The following TOX variants were observed in gnomAD, a reference collection of about 807,000 sequenced individuals.
The protein encoded by TOX is thymocyte selection associated high mobility group box.
Under a neutral mutation model 53.7 loss-of-function variants are expected in TOX, and 11 were observed. The ratio of observed to expected loss-of-function variants is 0.20; its 90% CI spans 0.13 to 0.34. The LOEUF is 0.34. Among genes scored for constraint, TOX ranks in the 10% least tolerant of loss-of-function variants. The probability of loss-of-function intolerance (pLI) is 1.00; values close to 1 mark genes in which losing one functional copy is unlikely to be tolerated. For synonymous variants in TOX, 225 were observed against 245.3 expected (o/e 0.92, Z 0.77); for missense variants, 570 against 664.6 (o/e 0.86, Z 1.56).
chr8:59,109,992 T>C (rs1372573237), intron 1 of TOX, among the ~76,000 whole-genome samples: 1 of 152,192 alleles, frequency 6.6e-6, no homozygotes, highest in Non-Finnish European at 1.5e-5. Context: ...TTCATTTCTT[T>C]AAGTAGTTCT....
intron 1 of TOX, among the ~76,000 whole-genome samples, chr8:59,005,091 T>A (rs989207298): frequency 6.6e-6 from 1 of 151,868 alleles, no homozygotes; most frequent in Non-Finnish European, 1.5e-5. Context: ...CAGGCTAGAG[T>A]GCAGTGGCAC....
intron 3 of TOX, among the ~76,000 whole-genome samples, chr8:58,855,848 CTT>C (rs1810904768): frequency 6.6e-6 from 1 of 152,124 alleles, no homozygotes; most frequent in African/African-American, 2.4e-5. Flanking sequence ...AATCATGCGT[CTT>C]TGTTTACGCT....
intron 1 of TOX, among the ~76,000 whole-genome samples, chr8:59,069,805 G>C (rs1351912297): frequency 6.6e-6 from 1 of 152,232 alleles, no homozygotes; most frequent in African/African-American, 2.4e-5. Flanking sequence ...CAGTGAGTCA[G>C]ATACTGAGAG....
chr8:59,046,526 G>A (rs2129421032), intron 1 of TOX, among the ~76,000 whole-genome samples: 2 of 152,232 alleles, frequency 1.3e-5, no homozygotes, highest in East Asian at 3.9e-4. Context: ...GGGAACAATT[G>A]TGGCACTGAA....
At chr8:58,860,907 C>A (rs897491566) in intron 3 of TOX, among the ~76,000 whole-genome samples, 2 of 143,952 alleles carry the variant, frequency 1.4e-5, no homozygotes. Flanking sequence ...TACATATAAT[C>A]TCTCTTTTGG....
chr8:58,968,840 G>GCATA (rs1263480424), intron 1 of TOX, among the ~76,000 whole-genome samples: 2 of 152,144 alleles, frequency 1.3e-5, no homozygotes, highest in Non-Finnish European at 2.9e-5. Context: ...GAAAGGTTAT[G>GCATA]GGAAGAGAAT....
rs139712664 is a variant in TOX, at chr8:58,890,950, C to T, written c.412-39145G>A. Among the ~76,000 whole-genome samples, 57 of 152,166 alleles carry T rather than the reference C, an allele frequency of 3.7e-4. No individual in the cohort carries two copies. In the East Asian group the frequency reaches 0.01, roughly 27 times the overall value. ...AGATGTCATAGAGCCAGAATCACAGCCAAGTCCAACAGGATCTTAGAGATC... is the reference window on the plus strand; with the variant it reads ...AGATGTCATAGAGCCAGAATCACAGTCAAGTCCAACAGGATCTTAGAGATC... On this transcript the variant is annotated intron_variant, in intron 3 of 8. Coordinates refer to ENST00000361421, the MANE Select transcript of TOX (RefSeq NM_014729.3).
rs981689232 is a variant in TOX at position 59,067,999 on chromosome 8, C to T, written c.102+50887G>A. Among the ~76,000 whole-genome samples the T allele has an allele frequency of 1.3e-5, 2 of 152,116 alleles. 1 individual carries two copies. The highest frequency in any genetic ancestry group is 2.9e-5 in the Non-Finnish European group (2 of 68,034). On this transcript the variant is annotated intron_variant, in intron 1 of 8. Coordinates refer to ENST00000361421, the MANE Select transcript of TOX (RefSeq NM_014729.3). ...TAATCTATGTGAATTAATAAAGTAA[C>T]TTGTGAATATTAGACATTATCATTG...
At chr8:59,031,383 T>TTTA (rs1157635296) in intron 1 of TOX, among the ~76,000 whole-genome samples, 1 of 152,226 alleles carries the variant, frequency 6.6e-6, no homozygotes, top group African/African-American at 2.4e-5. Flanking sequence ...ACATCAACCA[T>TTTA]TTATTGATTT....
chr8:59,095,592 C>CT (rs1310431820), intron 1 of TOX, among the ~76,000 whole-genome samples: 2 of 151,694 alleles, frequency 1.3e-5, no homozygotes, highest in Non-Finnish European at 2.9e-5. Context: ...TAGAGATGGG[C>CT]TTTCACCATG....
At chr8:58,839,999 A>G (rs1300075912) in intron 4 of TOX, among the ~76,000 whole-genome samples, 2 of 152,182 alleles carry the variant, frequency 1.3e-5, no homozygotes, top group East Asian at 3.8e-4. Flanking sequence ...CTAAGATGGT[A>G]TATATTTATA....
intron 3 of TOX, among the ~76,000 whole-genome samples, chr8:58,893,444 T>C (rs1284317631): frequency 1.3e-5 from 2 of 152,204 alleles, no homozygotes; most frequent in Non-Finnish European, 2.9e-5. Context: ...CACCACATTA[T>C]CTAGTGATAG....
At chr8:59,107,061 C>T (rs1167362875) in intron 1 of TOX, among the ~76,000 whole-genome samples, 3 of 105,604 alleles carry the variant, frequency 2.8e-5, no homozygotes, top group Admixed American at 1.1e-4. Flanking sequence ...GGGGGGGGAA[C>T]GTGACATTTC....
chr8:58,903,598 C>T (rs570059861), intron 3 of TOX, among the ~76,000 whole-genome samples: 6 of 152,248 alleles, frequency 3.9e-5, no homozygotes, highest in Non-Finnish European at 7.4e-5. Context: ...TTCATCTTTG[C>T]TTTCCAAGTT....
At chr8:58,872,181 C>T (rs1290628505) in intron 3 of TOX, among the ~76,000 whole-genome samples, 1 of 152,086 alleles carries the variant, frequency 6.6e-6, no homozygotes, top group Non-Finnish European at 1.5e-5. Context: ...CTAAAATAGC[C>T]TCATTGGCCA....
intron 1 of TOX, among the ~76,000 whole-genome samples, chr8:59,114,656 C>T (rs1325325919): frequency 6.6e-6 from 1 of 152,136 alleles, no homozygotes; most frequent in African/African-American, 2.4e-5. Context: ...GCATGATGCT[C>T]TAAACTGCTT....
intron 3 of TOX, among the ~76,000 whole-genome samples, chr8:58,899,457 T>C (rs926199423): frequency 9.9e-5 from 15 of 152,208 alleles, no homozygotes; most frequent in East Asian, 5.8e-4. Context: ...TCTCACACAG[T>C]TGTGATAGAG....
At chr8:58,966,630 T>C (rs1051273812) in intron 1 of TOX, among the ~76,000 whole-genome samples, 6 of 152,168 alleles carry the variant, frequency 3.9e-5, no homozygotes, top group African/African-American at 1.4e-4. Flanking sequence ...GTCCCAGTGA[T>C]ATACTTATTT....
chr8:59,008,601 C>A (rs925557861), intron 1 of TOX, among the ~76,000 whole-genome samples: 1 of 152,200 alleles, frequency 6.6e-6, no homozygotes, highest in African/African-American at 2.4e-5. Context: ...CATGACTCCC[C>A]CCATGAGTCA....
Sources: gnomAD v4.1 joint callset for allele counts (sites outside exome capture counted in the v4.1 genomes callset) on GRCh38, gnomAD v4.1.1 for gene constraint, MANE v1.5 for transcripts, NCBI Gene and HGNC (gene_info 2026-07-23, HGNC 2026-07-21) for gene names.